Variants in CMTM4 observed in about 807,000 individuals in gnomAD.
CMTM4 encodes CKLF like MARVEL transmembrane domain containing 4.
In CMTM4, 8 loss-of-function variants were observed where a neutral mutation model predicts 19.0. The ratio of observed to expected loss-of-function variants is 0.42; its 90% CI spans 0.25 to 0.76. The LOEUF is 0.76. Ranked by LOEUF, CMTM4 falls within the 30% of genes least tolerant of loss-of-function variation. The pLI, the probability that CMTM4 is intolerant of heterozygous loss-of-function variation, is 0.27. For synonymous variants in CMTM4, 106 were observed against 121.1 expected (o/e 0.88, Z 0.82); for missense variants, 228 against 290.2 (o/e 0.79, Z 1.56).
intron 1 of CMTM4, among the ~76,000 whole-genome samples, chr16:66,691,707 A>G (rs906286156): frequency 6.6e-6 from 1 of 152,218 alleles, no homozygotes; most frequent in African/African-American, 2.4e-5. Flanking sequence ...CTCAAAAAGA[A>G]AAAGAAAAGA....
intron 1 of CMTM4, among the ~76,000 whole-genome samples, chr16:66,656,664 A>T (rs1214160146): frequency 1.3e-5 from 2 of 152,114 alleles, no homozygotes; most frequent in Non-Finnish European, 2.9e-5. Flanking sequence ...AAAAAAAAAA[A>T]ACAGTAACTC....
In CMTM4 at chr16:66,620,430, G is replaced by A. The variant is rs578172346; in HGVS notation, c.*1628C>T. 4.5e-5 allele frequency: 44 copies of A among 985,464 alleles called. No individual in the cohort carries two copies. Among genetic ancestry groups the A allele is most frequent in the South Asian group, 3.8e-4 (8 of 21,286 alleles). The allele number at this position is 985,464 out of a possible 1,614,324, so 61.0% of individuals were successfully genotyped here. ...TGGGACACTGCTCCCAACTCAGATC[G>A]TACTGAAGGTGTTGGTGCAGGAAGC... On this transcript the variant is annotated 3_prime_UTR_variant, in exon 4 of 4. Coordinates refer to ENST00000394106, the MANE Select transcript of CMTM4 (RefSeq NM_181521.3).
At position 66,619,739 on chromosome 16, in the gene CMTM4, G is replaced by A. The variant is rs1179644467; in HGVS notation, c.*2319C>T. 6 of 985,138 alleles carry A rather than the reference G, an allele frequency of 6.1e-6. No homozygotes were observed. The highest frequency in any genetic ancestry group is 7.2e-6 in the Non-Finnish European group (6 of 829,888). 61.0% of individuals were successfully genotyped at this position (985,138 alleles called of 1,614,324 possible). On this transcript the variant is annotated 3_prime_UTR_variant, in exon 4 of 4. Coordinates refer to ENST00000394106, the MANE Select transcript of CMTM4 (RefSeq NM_181521.3). ...AGAAAGCGTCCATAGCACCACTTCC[G>A]GTTCTAGTGGGAGTTAATTAAATAC...
intron 2 of CMTM4, among the ~76,000 whole-genome samples, chr16:66,633,772 C>A (rs140229225): frequency 0.02 from 3,024 of 150,720 alleles, 66 homozygotes; most frequent in South Asian, 0.11. Flanking sequence ...GAGCCGAGAT[C>A]GCACCACTGC....
chr16:66,609,496 C>T, the CMTM4 span: 4 of 1,609,904 alleles, frequency 2.5e-6, no homozygotes, highest in East Asian at 2.2e-5. This position sits in a 1 kb window ranked among gnomAD's most constrained non-coding sequence, Gnocchi z 4.4. Flanking sequence ...ACGGCCATCG[C>T]CAAGTACTCG....
chr16:66,648,592 A>G (rs2016250288), intron 1 of CMTM4, among the ~76,000 whole-genome samples: 1 of 151,946 alleles, frequency 6.6e-6, no homozygotes. Flanking sequence ...CGGGAGGCGG[A>G]GGCTGCAGTG....
intron 1 of CMTM4, among the ~76,000 whole-genome samples, chr16:66,667,611 C>T (rs1009127197): frequency 6.6e-6 from 1 of 152,108 alleles, no homozygotes; most frequent in African/African-American, 2.4e-5. Context: ...AAAAAAGGGC[C>T]GAGTGCGGTG....
chr16:66,655,361 T>C (rs1029190278), intron 1 of CMTM4, among the ~76,000 whole-genome samples: 5 of 152,112 alleles, frequency 3.3e-5, no homozygotes, highest in African/African-American at 7.2e-5. Context: ...AGTACCCAGA[T>C]TGAGGTCTCT....
At chr16:66,687,258 G>A (rs2017051155) in intron 1 of CMTM4, among the ~76,000 whole-genome samples, 1 of 151,234 alleles carries the variant, frequency 6.6e-6, no homozygotes, top group Non-Finnish European at 1.5e-5. Context: ...TACAAAGAAA[G>A]TCATGAAAAG....
At chr16:66,675,470 A>AC (rs1370505067) in intron 1 of CMTM4, among the ~76,000 whole-genome samples, 2 of 151,234 alleles carry the variant, frequency 1.3e-5, no homozygotes, top group East Asian at 1.9e-4. Flanking sequence ...AAAAAAAAAA[A>AC]AAAAAAACCT....
the CMTM4 span, among the ~76,000 whole-genome samples, chr16:66,602,125 G>A: frequency 3.9e-5 from 6 of 152,348 alleles, no homozygotes; most frequent in East Asian, 7.7e-4. Context: ...GGCCAGGTGC[G>A]GTGGCTCACG....
the CMTM4 span, among the ~76,000 whole-genome samples, chr16:66,607,267 C>T: frequency 6.6e-6 from 1 of 152,208 alleles, no homozygotes; most frequent in African/African-American, 2.4e-5. Context: ...ATCAGCTCTT[C>T]CCACCTACAG....
In CMTM4 at chr16:66,619,653, G is replaced by C. The variant is rs2015592660; in HGVS notation, c.*2405C>G. 2 of 985,232 alleles carry C rather than the reference G, an allele frequency of 2.0e-6. No homozygotes were observed. The highest frequency in any genetic ancestry group is 9.4e-5 in the South Asian group (2 of 21,280). The allele number at this position is 985,232 out of a possible 1,614,324, so 61.0% of individuals were successfully genotyped here. ...ACCTTGGATAACCCTATTCCCTCCA[G>C]AACTTTCGTCACCACGTGGTCTATA... On this transcript the variant is annotated 3_prime_UTR_variant, in exon 4 of 4. Coordinates refer to ENST00000394106, the MANE Select transcript of CMTM4 (RefSeq NM_181521.3).
chr16:66,652,650 G>A (rs564411612), intron 1 of CMTM4, among the ~76,000 whole-genome samples: 1 of 152,092 alleles, frequency 6.6e-6, no homozygotes, highest in Non-Finnish European at 1.5e-5. Context: ...CATCAACAAC[G>A]GCTGGATACT....
intron 1 of CMTM4, among the ~76,000 whole-genome samples, chr16:66,655,983 T>C (rs2016391960): frequency 6.6e-6 from 1 of 152,232 alleles, no homozygotes; most frequent in East Asian, 1.9e-4. Flanking sequence ...CCCACGCCTA[T>C]GGTCCCAGCT....
the CMTM4 span, chr16:66,605,438 C>T: frequency 6.5e-6 from 1 of 153,158 alleles, no homozygotes. The surrounding 1 kb of genome is among the most constrained non-coding windows in gnomAD (Gnocchi z 4.6). Flanking sequence ...TGAGGCGGCC[C>T]CGCGGTGACT....
intron 1 of CMTM4, among the ~76,000 whole-genome samples, chr16:66,671,106 T>A (rs2016696776): frequency 6.6e-6 from 1 of 152,170 alleles, no homozygotes. Flanking sequence ...AAACTGATAT[T>A]TATATTACAG....
intron 1 of CMTM4, among the ~76,000 whole-genome samples, chr16:66,671,619 C>T (rs1337175800): frequency 6.6e-6 from 1 of 152,170 alleles, no homozygotes; most frequent in African/African-American, 2.4e-5. Context: ...GCTTGTCATG[C>T]TCAGAATCCT....
the CMTM4 span, among the ~76,000 whole-genome samples, chr16:66,598,960 C>A: frequency 2.0e-5 from 3 of 151,884 alleles, no homozygotes; most frequent in Admixed American, 2.0e-4. Flanking sequence ...CATATTGAGA[C>A]CCCATCTCTA....
Sources: allele counts gnomAD v4.1 joint callset (sites outside exome capture counted in the v4.1 genomes callset), GRCh38; gene constraint gnomAD v4.1.1; non-coding constraint Gnocchi (gnomAD v3.1); transcripts MANE v1.5; gene names NCBI Gene and HGNC (gene_info 2026-07-23, HGNC 2026-07-21).